TOMM70: variants seen among roughly 807,000 people sequenced by gnomAD.
TOMM70 encodes translocase of outer mitochondrial membrane 70, also known as mitochondrial import receptor subunit TOM70.
TOMM70 carries 13 observed loss-of-function variants against 73.6 expected under a neutral mutation model. The observed-to-expected ratio is 0.18, with a 90% CI of 0.11 to 0.28. TOMM70 has a LOEUF of 0.28. Ranked by LOEUF, TOMM70 falls within the 10% of genes least tolerant of loss-of-function variation. The pLI, the probability that TOMM70 is intolerant of heterozygous loss-of-function variation, is 1.00. For synonymous variants in TOMM70, 257 were observed against 271.2 expected (o/e 0.95, Z 0.51); for missense variants, 609 against 747.5 (o/e 0.81, Z 2.16).
chr3:100,364,206 G>C lies in TOMM70; in HGVS notation c.*1358C>G, dbSNP rs537759141. ...AGTGATTTCTAAGTAAGGAGGTGGAGTAAAGCTTAAACACTGTCAGTACCC... is the reference window on the plus strand; with the variant it reads ...AGTGATTTCTAAGTAAGGAGGTGGACTAAAGCTTAAACACTGTCAGTACCC... On this transcript the variant is annotated 3_prime_UTR_variant, in exon 12 of 12. Coordinates refer to ENST00000284320, the MANE Select transcript of TOMM70 (RefSeq NM_014820.5). 6.6e-6 allele frequency: 1 copy of C among 152,170 alleles called. No homozygotes were observed. The highest frequency in any genetic ancestry group is 2.1e-4 in the South Asian group (1 of 4,830). The allele number at this position is 152,170 out of a possible 1,614,324, so 9.4% of individuals were successfully genotyped here. A position where few individuals can be genotyped will look rare whatever the true frequency, so the allele number is the denominator to read the frequency against.
chr3:100,372,825 G>A, intron 8 of TOMM70, 103 bp from the exon 9 acceptor site: 1 of 989,736 alleles, frequency 1.0e-6, no homozygotes, highest in Non-Finnish European at 1.5e-6. Context: ...AAAAACAGGT[G>A]ATTTGCTAAC....
At chr3:100,375,702 C>T (rs1224715747) in intron 6 of TOMM70, among the ~76,000 whole-genome samples, 1 of 152,128 alleles carries the variant, frequency 6.6e-6, no homozygotes, top group African/African-American at 2.4e-5. Context: ...CTGCTATGAA[C>T]ATTCACATAC....
chr3:100,391,553 T>A (rs1461963043), intron 1 of TOMM70, among the ~76,000 whole-genome samples: 2 of 152,166 alleles, frequency 1.3e-5, no homozygotes, highest in Non-Finnish European at 2.9e-5. Flanking sequence ...AGTAGGGATA[T>A]AAAGAAAATA....
chr3:100,376,368 A>ATTTTTTTTTTTT (rs1559831461), intron 6 of TOMM70, among the ~76,000 whole-genome samples: 1 of 107,920 alleles, frequency 9.3e-6, no homozygotes, highest in Admixed American at 9.1e-5. Flanking sequence ...TTCACACAGA[A>ATTTTTTTTTTTT]GTTTTTTTTT....
At position 100,377,931 on chromosome 3, in the gene TOMM70, A is replaced by G; in HGVS notation, c.885-19T>C. ...TCCAGAACTGAAAATAAAAACAAACATAGGAAATTATTTACTAAGAAAAAA... is the reference window on the plus strand; with the variant it reads ...TCCAGAACTGAAAATAAAAACAAACGTAGGAAATTATTTACTAAGAAAAAA... On this transcript the variant is annotated intron_variant, in intron 5 of 11. Transcript: ENST00000284320. 6.3e-7 allele frequency: 1 copy of G among 1,595,212 alleles called. No individual in the cohort carries two copies. Among genetic ancestry groups the G allele is most frequent in the Non-Finnish European group, 8.6e-7 (1 of 1,166,088 alleles).
At chr3:100,395,542 C>CAAAAA (rs59048767) in intron 1 of TOMM70, among the ~76,000 whole-genome samples, 2 of 81,064 alleles carry the variant, frequency 2.5e-5, no homozygotes, top group African/African-American at 6.7e-5. Flanking sequence ...GACTCCAACT[C>CAAAAA]AAAAAAAAAA....
intron 10 of TOMM70, among the ~76,000 whole-genome samples, chr3:100,368,514 G>C (rs1418010477): frequency 6.6e-6 from 1 of 152,154 alleles, no homozygotes; most frequent in Non-Finnish European, 1.5e-5. Context: ...GCCAACAGCT[G>C]ACAGGATGTT....
At chr3:100,387,276 G>A (rs369189377) in intron 1 of TOMM70, among the ~76,000 whole-genome samples, 28 of 151,976 alleles carry the variant, frequency 1.8e-4, no homozygotes, top group African/African-American at 4.3e-4. Context: ...TCGGAACCCC[G>A]TCTCTATTAA....
intron 6 of TOMM70, among the ~76,000 whole-genome samples, chr3:100,376,113 G>A (rs920487282): frequency 2.0e-5 from 3 of 152,082 alleles, no homozygotes; most frequent in African/African-American, 7.2e-5. Context: ...ATCTCATGGT[G>A]GTTTTGGTTT....
intron 1 of TOMM70, among the ~76,000 whole-genome samples, chr3:100,388,762 C>T (rs1417898857): frequency 6.6e-6 from 1 of 151,980 alleles, no homozygotes; most frequent in Non-Finnish European, 1.5e-5. Flanking sequence ...GGCTATCTTC[C>T]CATCATTAAA....
In TOMM70 at chr3:100,389,779, C is replaced by T. The variant is rs186970843; in HGVS notation, c.325-2801G>A. On this transcript the variant is annotated intron_variant, in intron 1 of 11. Coordinates refer to ENST00000284320, the MANE Select transcript of TOMM70 (RefSeq NM_014820.5). ...TCAATTGGCTGGGTGCAGTGGCTCA[C>T]GCCTGTAATCCCAGCACTTTGGGAG... Among the ~76,000 whole-genome samples the T allele has an allele frequency of 1.1e-4, 17 of 152,238 alleles. No homozygotes were observed. In the East Asian group the frequency reaches 2.1e-3, roughly 19 times the overall value.
At chr3:100,378,410 G>T (rs1228890123) in intron 5 of TOMM70, among the ~76,000 whole-genome samples, 9 of 152,164 alleles carry the variant, frequency 5.9e-5, no homozygotes, top group Non-Finnish European at 4.4e-5. Context: ...AAACAGATTA[G>T]GATTTTTGAT....
chr3:100,371,751 G>C (rs1021820233), intron 9 of TOMM70, among the ~76,000 whole-genome samples: 1 of 152,142 alleles, frequency 6.6e-6, no homozygotes, highest in Admixed American at 6.6e-5. Context: ...GCATGGATGG[G>C]GGTAGGAGGA....
chr3:100,381,501 T>G, intron 5 of TOMM70, 114 bp downstream of exon 5: 1 of 654,562 alleles, frequency 1.5e-6, no homozygotes, highest in Non-Finnish European at 2.3e-6. Context: ...TGTCTATCTC[T>G]ATCTGTAGAT....
At chr3:100,382,276 A>C (rs957737894) in intron 4 of TOMM70, among the ~76,000 whole-genome samples, 1 of 152,256 alleles carries the variant, frequency 6.6e-6, no homozygotes, top group Non-Finnish European at 1.5e-5. Context: ...TATAAAATTC[A>C]GCCCAAAGAG....
chr3:100,386,293 G>A lies in TOMM70; in HGVS notation c.550C>T (p.Pro184Ser). Residue 184 changes from proline (P) to serine (S), a missense_variant, in exon 3 of 12, where the codon CCC becomes TCC. Transcript: ENST00000284320. The stretch of plus-strand genomic sequence containing the variant: ...CTAAAGAGAGCTTTCACATATTTGG[G>A]ATTAAGTTCAACAGCTTTTGTACAG... ...QDCTKAVELN[P>S]KYVKALFRRA... The A allele has an allele frequency of 6.2e-7, 1 of 1,613,106 alleles. No homozygotes were observed. Among genetic ancestry groups the A allele is most frequent in the South Asian group, 1.1e-5 (1 of 90,948 alleles).
chr3:100,384,090 G>A (rs1576215374), intron 4 of TOMM70, among the ~76,000 whole-genome samples: 3 of 152,326 alleles, frequency 2.0e-5, no homozygotes, highest in Admixed American at 2.0e-4. Context: ...AGGCCAGATA[G>A]TAAATATTTT....
rs760191419 is a variant in TOMM70 at position 100,372,720 on chromosome 3, G to A, written c.1338C>T (p.Tyr446=). 1 of 1,611,616 alleles carries A rather than the reference G, an allele frequency of 6.2e-7. No homozygotes were observed. The highest frequency in any genetic ancestry group is 8.5e-7 in the Non-Finnish European group (1 of 1,178,898). Residue 446 remains tyrosine (Y), a splice_region_variant and synonymous_variant, in exon 9 of 12, where the codon TAC becomes TAT. Coordinates refer to ENST00000284320, the MANE Select transcript of TOMM70 (RefSeq NM_014820.5). ...AGTTGTTTCCCGTATATGCCTGGCGGTACTATAAAAAATCAAAACAGGCCT... is the reference window on the plus strand; with the variant it reads ...AGTTGTTTCCCGTATATGCCTGGCGATACTATAAAAAATCAAAACAGGCCT... ...LAQAQKCFAL[Y]RQAYTGNNSS... is the part of the protein sequence containing the mutation.
chr3:100,380,142 T>G (rs1706615102), intron 5 of TOMM70, among the ~76,000 whole-genome samples: 2 of 152,046 alleles, frequency 1.3e-5, no homozygotes, highest in African/African-American at 4.8e-5. Context: ...GGTCGGGAGT[T>G]CGAGACCAGC....
Sources: gnomAD v4.1 joint callset for allele counts (sites outside exome capture counted in the v4.1 genomes callset) on GRCh38, gnomAD v4.1.1 for gene constraint, MANE v1.5 for transcripts, NCBI Gene and HGNC (gene_info 2026-07-23, HGNC 2026-07-21) for gene names.